FUT9: variants seen among roughly 807,000 people sequenced by gnomAD.
The protein encoded by FUT9 is fucosyltransferase 9, also known as 4-galactosyl-N-acetylglucosaminide 3-alpha-L-fucosyltransferase 9.
In FUT9, 15 loss-of-function variants were observed where a neutral mutation model predicts 29.7. The observed-to-expected ratio is 0.51, with a 90% CI of 0.34 to 0.78. The LOEUF is 0.78. Ranked by LOEUF, FUT9 falls within the 30% of genes least tolerant of loss-of-function variation. FUT9 has a pLI of 0.01. For missense variants in FUT9, 319 were observed against 425.4 expected, an observed-to-expected ratio of 0.75 and a Z score of 2.20; for synonymous variants, 169 against 153.7, an observed-to-expected ratio of 1.10 and a Z score of -0.74.
intron 2 of FUT9, among the ~76,000 whole-genome samples, chr6:96,160,202 T>C (rs1178402576): frequency 6.6e-6 from 1 of 152,108 alleles, no homozygotes; most frequent in African/African-American, 2.4e-5. Flanking sequence ...GCACACTGAA[T>C]AAAAACTGGG....
chr6:96,200,475 T>G (rs190073920), intron 2 of FUT9, among the ~76,000 whole-genome samples: 5 of 152,248 alleles, frequency 3.3e-5, no homozygotes, highest in Non-Finnish European at 4.4e-5. Context: ...TGAGAAAAGG[T>G]GTCCTTTTTA....
chr6:96,059,378 C>G (rs1370698529), intron 1 of FUT9, among the ~76,000 whole-genome samples: 1 of 152,114 alleles, frequency 6.6e-6, no homozygotes, highest in African/African-American at 2.4e-5. Context: ...TAATGTTAGT[C>G]CAACCACTTG....
At chr6:96,199,021 G>C (rs1773681565) in intron 2 of FUT9, among the ~76,000 whole-genome samples, 1 of 152,100 alleles carries the variant, frequency 6.6e-6, no homozygotes, top group Non-Finnish European at 1.5e-5. Flanking sequence ...TTGTTAAGCA[G>C]CACTTTTAAC....
chr6:96,128,993 C>G (rs1000707794), intron 2 of FUT9, among the ~76,000 whole-genome samples: 1 of 151,418 alleles, frequency 6.6e-6, no homozygotes, highest in Admixed American at 6.6e-5. Flanking sequence ...TGTGGTGGCT[C>G]ATGCCTGTAA....
intron 2 of FUT9, among the ~76,000 whole-genome samples, chr6:96,188,643 A>ATATGTGTG (rs1554198919): frequency 1.4e-5 from 2 of 146,784 alleles, no homozygotes; most frequent in African/African-American, 5.0e-5. Context: ...ATATATATAT[A>ATATGTGTG]TGTGTGTGTG....
chr6:96,125,512 G>A (rs1411893030), intron 2 of FUT9, among the ~76,000 whole-genome samples: 3 of 152,020 alleles, frequency 2.0e-5, no homozygotes, highest in African/African-American at 4.8e-5. Context: ...TCACTGTGTC[G>A]GCACTTAATA....
At chr6:96,198,475 C>A (rs1037468168) in intron 2 of FUT9, among the ~76,000 whole-genome samples, 11 of 152,032 alleles carry the variant, frequency 7.2e-5, no homozygotes, top group Admixed American at 2.0e-4. Context: ...GCATAGTATT[C>A]CATGGTGTAT....
intron 2 of FUT9, among the ~76,000 whole-genome samples, chr6:96,140,391 TC>T (rs1772440731): frequency 6.8e-6 from 1 of 147,624 alleles, no homozygotes; most frequent in Non-Finnish European, 1.5e-5. Context: ...TTCTGAGACC[TC>T]CAAACTATTC....
chr6:96,016,973 T>C (rs1306480819), intron 1 of FUT9, among the ~76,000 whole-genome samples: 2 of 152,242 alleles, frequency 1.3e-5, no homozygotes, highest in African/African-American at 4.8e-5. Context: ...AGGTTTGTTC[T>C]GTTCATTGAG....
At chr6:96,187,210 T>G (rs939801004) in intron 2 of FUT9, among the ~76,000 whole-genome samples, 4 of 152,026 alleles carry the variant, frequency 2.6e-5, no homozygotes, top group Admixed American at 2.6e-4. Flanking sequence ...CATTAGCAGA[T>G]AGAGGACCAG....
rs139473815 is a variant in FUT9, at chr6:96,208,456, A to C, written c.*4221A>C. On this transcript the variant is annotated 3_prime_UTR_variant, in exon 3 of 3. Transcript: ENST00000302103. ...ACATCAGAATCTAAAGGATAAGCAC[A>C]GTGCCTAATGTACAGGAGGGTCATA... 495 of 166,946 alleles carry C rather than the reference A, an allele frequency of 3.0e-3. 2 individuals are homozygous for C. The highest frequency in any genetic ancestry group is 0.011 in the African/African-American group (470 of 41,574). The allele number at this position is 166,946 out of a possible 1,614,324, so 10.3% of individuals were successfully genotyped here. A position where few individuals can be genotyped will look rare whatever the true frequency, so the allele number is the denominator to read the frequency against.
At chr6:96,043,291 T>TCTG in intron 1 of FUT9, among the ~76,000 whole-genome samples, 1 of 76,510 alleles carries the variant, frequency 1.3e-5, no homozygotes, top group African/African-American at 1.0e-4. Flanking sequence ...GACCTCGTGA[T>TCTG]CCTCTCGCCT....
At chr6:96,199,044 A>AT (rs1372527970) in intron 2 of FUT9, among the ~76,000 whole-genome samples, 1 of 152,096 alleles carries the variant, frequency 6.6e-6, no homozygotes, top group African/African-American at 2.4e-5. Flanking sequence ...AGATTCTGTT[A>AT]TTTTTTATGG....
chr6:96,172,779 T>G (rs1297100115), intron 2 of FUT9, among the ~76,000 whole-genome samples: 1 of 150,292 alleles, frequency 6.7e-6, no homozygotes, highest in Non-Finnish European at 1.5e-5. Flanking sequence ...AATTCTCATT[T>G]GTCCAAAAAG....
At chr6:96,143,531 C>A (rs1337212826) in intron 2 of FUT9, among the ~76,000 whole-genome samples, 1 of 151,740 alleles carries the variant, frequency 6.6e-6, no homozygotes, top group East Asian at 1.9e-4. Context: ...CCTTCTTTCT[C>A]TCTCTCCTTT....
At chr6:96,192,150 A>G (rs935683320) in intron 2 of FUT9, among the ~76,000 whole-genome samples, 14 of 152,104 alleles carry the variant, frequency 9.2e-5, no homozygotes, top group African/African-American at 3.1e-4. Flanking sequence ...CACAAGACAG[A>G]GATGCCCTCT....
At chr6:96,062,828 C>G (rs367955491) in intron 1 of FUT9, among the ~76,000 whole-genome samples, 11 of 143,676 alleles carry the variant, frequency 7.7e-5, no homozygotes, top group African/African-American at 2.5e-4. Context: ...CAAAGATCAA[C>G]AACAAAACAA....
intron 2 of FUT9, among the ~76,000 whole-genome samples, chr6:96,196,941 AG>A (rs2127990028): frequency 6.6e-6 from 1 of 152,244 alleles, no homozygotes; most frequent in Admixed American, 6.5e-5. Flanking sequence ...AGGTTTTATT[AG>A]TGGCCTTGGA....
At position 96,211,000 on chromosome 6, in the gene FUT9, T is replaced by A. The variant is rs1057063128; in HGVS notation, c.*6765T>A. The A allele has an allele frequency of 5.4e-5, 9 of 166,890 alleles. No individual in the cohort carries two copies. The highest frequency in any genetic ancestry group is 1.9e-4 in the African/African-American group (8 of 41,422). 10.3% of individuals were successfully genotyped at this position (166,890 alleles called of 1,614,324 possible). A position where few individuals can be genotyped will look rare whatever the true frequency, so the allele number is the denominator to read the frequency against. On this transcript the variant is annotated 3_prime_UTR_variant, in exon 3 of 3. Coordinates refer to ENST00000302103, the MANE Select transcript of FUT9 (RefSeq NM_006581.4). ...ATCTTTTATTCTTATAAAAGATAAT[T>A]GTGAGGAATCCAGTGCTATTTTCAC...
Sources: allele counts gnomAD v4.1 joint callset (sites outside exome capture counted in the v4.1 genomes callset), GRCh38; gene constraint gnomAD v4.1.1; transcripts MANE v1.5; gene names NCBI Gene and HGNC (gene_info 2026-07-23, HGNC 2026-07-21).